Variants in SPATC1 observed in about 807,000 individuals in gnomAD.
SPATC1 encodes the protein speriolin.
SPATC1 carries 35 observed loss-of-function variants against 36.5 expected under a neutral mutation model. That is an observed-to-expected ratio of 0.96 (90% CI 0.73 to 1.27). The LOEUF (loss-of-function observed/expected upper bound fraction) is 1.27, where lower values mean the gene tolerates loss of function less well. Among genes scored for constraint, SPATC1 ranks in the 50% most tolerant of loss-of-function variants. The pLI is 0.00. For synonymous variants in SPATC1, 361 were observed against 353.6 expected, an observed-to-expected ratio of 1.02 and a Z score of -0.24; for missense variants, 779 against 796.0, an observed-to-expected ratio of 0.98 and a Z score of 0.26.
chr8:144,038,502 C>T (rs1392608173), intron 1 of SPATC1, among the ~76,000 whole-genome samples: 2 of 151,572 alleles, frequency 1.3e-5, no homozygotes, highest in East Asian at 2.0e-4. Flanking sequence ...CTCACTCTGT[C>T]ACCCAGGCTG....
intron 1 of SPATC1, among the ~76,000 whole-genome samples, chr8:144,034,390 A>G (rs1440246788): frequency 6.7e-6 from 1 of 149,716 alleles, no homozygotes; most frequent in African/African-American, 2.5e-5. Flanking sequence ...CTCAAGACAA[A>G]ACCAGGCAGA....
At chr8:144,037,905 A>G (rs1384963541) in intron 1 of SPATC1, among the ~76,000 whole-genome samples, 15 of 152,174 alleles carry the variant, frequency 9.9e-5, no homozygotes, top group East Asian at 1.9e-4. Flanking sequence ...CAAGGCGGGC[A>G]GATCATGAGG....
chr8:144,036,972 A>G (rs1160320819), intron 1 of SPATC1, among the ~76,000 whole-genome samples: 1 of 151,814 alleles, frequency 6.6e-6, no homozygotes, highest in Admixed American at 6.6e-5. Context: ...GTGTCCCGTG[A>G]CAAGTGGCAA....
rs1554756913 is a variant in SPATC1 at position 144,046,921 on chromosome 8, G to A, written c.1741G>A (p.Ala581Thr). The A allele has an allele frequency of 3.1e-6, 5 of 1,598,440 alleles. No individual in the cohort carries two copies. The highest frequency in any genetic ancestry group is 4.2e-6 in the Non-Finnish European group (5 of 1,179,626). ...LLLLSCLSQL[A>T]HDDGKPMFIW ...GCTGCTCTCCTGCCTCAGCCAGCTG[G>A]CGCACGATGACGGCAAGCCCATGTT... The change falls in exon 5 of 5, where the codon GCG becomes ACG. Residue 581 changes from alanine to threonine, a missense_variant. By Grantham distance (58) the Ala-to-Thr change is moderately conservative. Transcript: ENST00000377470. The surrounding 1 kb of genome is among the most constrained non-coding windows in gnomAD (Gnocchi z 6.6).
intron 1 of SPATC1, among the ~76,000 whole-genome samples, chr8:144,031,554 T>C (rs1261399583): frequency 3.3e-5 from 5 of 151,090 alleles, no homozygotes; most frequent in East Asian, 3.9e-4. Flanking sequence ...GATTCTGTCT[T>C]TCAACTGTCT....
intron 1 of SPATC1, among the ~76,000 whole-genome samples, chr8:144,035,571 A>G (rs1163624986): frequency 6.6e-6 from 1 of 152,196 alleles, no homozygotes; most frequent in Non-Finnish European, 1.5e-5. Context: ...TCTGTGTGCT[A>G]CGTGATGGTC....
At chr8:144,044,698 G>A (rs1486101588) in intron 4 of SPATC1, among the ~76,000 whole-genome samples, 1 of 151,818 alleles carries the variant, frequency 6.6e-6, no homozygotes, top group Admixed American at 6.5e-5. Context: ...TGTCATCCCA[G>A]CACTGTGGGA....
chr8:144,032,433 A>G (rs1293634394), intron 1 of SPATC1, among the ~76,000 whole-genome samples: 1 of 152,080 alleles, frequency 6.6e-6, no homozygotes, highest in African/African-American at 2.4e-5. Context: ...GCCCGCCACC[A>G]TGCCCAGCTA....
At chr8:144,024,728 C>T (rs1013927344) in intron 1 of SPATC1, among the ~76,000 whole-genome samples, 17 of 144,890 alleles carry the variant, frequency 1.2e-4, no homozygotes, top group African/African-American at 2.3e-4. Flanking sequence ...TCTTCCCTGA[C>T]GACCCTCTTC....
intron 1 of SPATC1, among the ~76,000 whole-genome samples, chr8:144,032,057 T>G (rs1257946155): frequency 6.6e-6 from 1 of 152,042 alleles, no homozygotes; most frequent in Admixed American, 6.6e-5. Flanking sequence ...CTCCTTTCTC[T>G]TTATCGTCTC....
chr8:144,033,811 C>T (rs955160090), intron 1 of SPATC1, among the ~76,000 whole-genome samples: 1 of 152,160 alleles, frequency 6.6e-6, no homozygotes, highest in Non-Finnish European at 1.5e-5. Context: ...TCAGTCCATG[C>T]TGAAATATGT....
intron 1 of SPATC1, among the ~76,000 whole-genome samples, chr8:144,014,212 T>C (rs1453767589): frequency 6.7e-6 from 1 of 149,270 alleles, no homozygotes; most frequent in African/African-American, 2.5e-5. Flanking sequence ...GGTTGCGCCA[T>C]TGCACTGCAG....
Position 144,046,329 on chromosome 8 carries a change from G to C in SPATC1, c.1447-298G>C, listed in dbSNP as rs1210102456. 6.6e-6 allele frequency among the ~76,000 whole-genome samples: 1 copy of C among 152,154 alleles called. No homozygotes were observed. The highest frequency in any genetic ancestry group is 2.4e-5 in the African/African-American group (1 of 41,448). On this transcript the variant is annotated intron_variant, in intron 4 of 4. Transcript: ENST00000377470. This position sits in a 1 kb window ranked among gnomAD's most constrained non-coding sequence, Gnocchi z 6.6. ...AGGCCTCAGCCCAGTTGCACTCCCT[G>C]GTGGTGCGTGGAGCAGACGACAGGG... is the stretch of plus-strand genomic sequence containing the variant.
At position 144,016,179 on chromosome 8, in the gene SPATC1, T is replaced by C. The variant is rs1424026450; in HGVS notation, c.211+3453T>C. 1.3e-5 allele frequency among the ~76,000 whole-genome samples: 2 copies of C among 151,778 alleles called. No homozygotes were observed. Among genetic ancestry groups the C allele is most frequent in the East Asian group, 3.9e-4 (2 of 5,150 alleles). ...GCTGAGGCAGGAGAATCGCTTGAAC[T>C]TGGGAGGCAGAGGTTGCAGTGAGCC... On this transcript the variant is annotated intron_variant, in intron 1 of 4. Coordinates refer to ENST00000377470, the MANE Select transcript of SPATC1 (RefSeq NM_198572.3). The surrounding 1 kb of genome is among the most constrained non-coding windows in gnomAD (Gnocchi z 4.5).
chr8:144,035,461 T>G (rs1258248555), intron 1 of SPATC1, among the ~76,000 whole-genome samples: 2 of 152,244 alleles, frequency 1.3e-5, no homozygotes, highest in Non-Finnish European at 2.9e-5. Context: ...GTCCTGGACC[T>G]TGACAAAGCT....
At chr8:144,044,463 A>G (rs1327674320) in intron 4 of SPATC1, among the ~76,000 whole-genome samples, 20 of 145,564 alleles carry the variant, frequency 1.4e-4, no homozygotes, top group South Asian at 4.3e-4. Flanking sequence ...CACCACGCCC[A>G]GCTAATTTTT....
At chr8:144,029,078 G>C (rs1834742714) in intron 1 of SPATC1, among the ~76,000 whole-genome samples, 1 of 151,666 alleles carries the variant, frequency 6.6e-6, no homozygotes. Context: ...GAGAGCATCA[G>C]GAAAAATAGC....
At chr8:144,029,652 C>A (rs912418032) in intron 1 of SPATC1, among the ~76,000 whole-genome samples, 2 of 152,176 alleles carry the variant, frequency 1.3e-5, no homozygotes, top group African/African-American at 4.8e-5. Context: ...TTATTGATTT[C>A]TAGTCTCATT....
In SPATC1 at chr8:144,042,003, C is replaced by T. The variant is rs1350183792; in HGVS notation, c.1446+632C>T. 5.1e-6 allele frequency: 5 copies of T among 985,064 alleles called. No individual in the cohort carries two copies. The East Asian group carries it at 5.7e-4, about 112-fold the overall frequency. 61.0% of individuals were successfully genotyped at this position (985,064 alleles called of 1,614,324 possible). ...TTTCAGATGGACTCTCGCTCTGTCA[C>T]CTGCCCAGGGTGAGCTGAGATTGAG... is the stretch of plus-strand genomic sequence containing the variant. On this transcript the variant is annotated intron_variant, in intron 4 of 4. Transcript: ENST00000377470.
Sources: allele counts gnomAD v4.1 joint callset (sites outside exome capture counted in the v4.1 genomes callset), GRCh38; gene constraint gnomAD v4.1.1; non-coding constraint Gnocchi (gnomAD v3.1); transcripts MANE v1.5; gene names NCBI Gene and HGNC (gene_info 2026-07-23, HGNC 2026-07-21).